The following PDZRN4 variants were observed in gnomAD, a reference collection of about 807,000 sequenced individuals.
PDZRN4 encodes PDZ domain-containing RING finger protein 4.
PDZRN4 carries 70 observed loss-of-function variants against 99.0 expected under a neutral mutation model. The observed-to-expected ratio is 0.71, with a 90% CI of 0.58 to 0.86. The LOEUF is 0.86. Among genes scored for constraint, PDZRN4 ranks in the 40% least tolerant of loss-of-function variants. The probability of loss-of-function intolerance (pLI) is 0.00; values close to 1 mark genes in which losing one functional copy is unlikely to be tolerated. For synonymous variants in PDZRN4, 551 were observed against 501.6 expected (o/e 1.10, Z -1.32); for missense variants, 1,474 against 1,331.2 (o/e 1.11, Z -1.67).
In PDZRN4 at chr12:41,317,048, G is replaced by GTATATATATA. The variant is rs33919115; in HGVS notation, c.843+122877_843+122886dup. On this transcript the variant is annotated intron_variant, in intron 3 of 9. Coordinates refer to ENST00000402685, the MANE Select transcript of PDZRN4 (RefSeq NM_001164595.2). ...TCCAGAGAATCATAACTTACATAAA[G>GTATATATATA]TATATATATATATATATATATATAT... Among the ~76,000 whole-genome samples, 4 of 69,588 alleles carry GTATATATATA rather than the reference G, an allele frequency of 5.7e-5. 1 individual carries two copies. Among genetic ancestry groups the GTATATATATA allele is most frequent in the Non-Finnish European group, 7.0e-5 (2 of 28,580 alleles). 45.7% of individuals were successfully genotyped at this position (69,588 alleles called of 152,430 possible). A position where few individuals can be genotyped will look rare whatever the true frequency, so the allele number is the denominator to read the frequency against.
intron 3 of PDZRN4, among the ~76,000 whole-genome samples, chr12:41,270,023 T>A (rs1321272054): frequency 1.3e-5 from 2 of 152,132 alleles, no homozygotes; most frequent in Non-Finnish European, 2.9e-5. Flanking sequence ...TTGAATAAAT[T>A]CTAATGGGTC....
intron 3 of PDZRN4, among the ~76,000 whole-genome samples, chr12:41,250,919 A>G (rs1436229346): frequency 1.3e-5 from 2 of 152,340 alleles, no homozygotes; most frequent in Non-Finnish European, 2.9e-5. Context: ...TGAGTATCAC[A>G]AAGAACTGCT....
chr12:41,328,461 G>A (rs150138899), intron 3 of PDZRN4, among the ~76,000 whole-genome samples: 2,365 of 152,258 alleles, frequency 0.016, 25 homozygotes, highest in Non-Finnish European at 0.027. Context: ...CATGGTTACA[G>A]TGAGCTATGA....
chr12:41,473,204 A>G (rs373494966), intron 3 of PDZRN4, among the ~76,000 whole-genome samples: 9 of 152,312 alleles, frequency 5.9e-5, no homozygotes, highest in African/African-American at 1.9e-4. Context: ...TGGCAATACC[A>G]TATGATTCAG....
chr12:41,498,319 G>T (rs1938048027), intron 3 of PDZRN4, among the ~76,000 whole-genome samples: 1 of 152,118 alleles, frequency 6.6e-6, no homozygotes, highest in Non-Finnish European at 1.5e-5. Flanking sequence ...AACCCAAATG[G>T]AGGGATTGTC....
At chr12:41,272,217 A>C (rs1199125621) in intron 3 of PDZRN4, among the ~76,000 whole-genome samples, 2 of 152,110 alleles carry the variant, frequency 1.3e-5, no homozygotes. Context: ...AAATTCATAA[A>C]TAAATAACCT....
At chr12:41,388,916 A>T (rs1283664144) in intron 3 of PDZRN4, among the ~76,000 whole-genome samples, 1 of 152,146 alleles carries the variant, frequency 6.6e-6, no homozygotes, top group Non-Finnish European at 1.5e-5. Flanking sequence ...TGTCTTCTTC[A>T]TGTATACTCA....
intron 3 of PDZRN4, among the ~76,000 whole-genome samples, chr12:41,323,287 A>G (rs1221080093): frequency 1.3e-5 from 2 of 152,186 alleles, no homozygotes; most frequent in African/African-American, 2.4e-5. Context: ...CTTCATTTGT[A>G]TTGGAATGAA....
intron 3 of PDZRN4, among the ~76,000 whole-genome samples, chr12:41,491,692 T>C (rs974855261): frequency 1.3e-5 from 2 of 152,146 alleles, no homozygotes; most frequent in African/African-American, 4.8e-5. Flanking sequence ...AAGACTATCT[T>C]CTGCAGTTTT....
chr12:41,289,754 A>G (rs1591999178), intron 3 of PDZRN4, among the ~76,000 whole-genome samples: 1 of 152,180 alleles, frequency 6.6e-6, no homozygotes, highest in Non-Finnish European at 1.5e-5. Flanking sequence ...AGTCCAATAT[A>G]CAGATTAGGA....
intron 3 of PDZRN4, among the ~76,000 whole-genome samples, chr12:41,226,862 C>G (rs1950998523): frequency 6.6e-6 from 1 of 152,118 alleles, no homozygotes; most frequent in Non-Finnish European, 1.5e-5. Context: ...CTCTGAAGAC[C>G]TATGCATAGC....
intron 3 of PDZRN4, among the ~76,000 whole-genome samples, chr12:41,485,311 A>G (rs1021588599): frequency 1.3e-5 from 2 of 152,164 alleles, no homozygotes; most frequent in African/African-American, 4.8e-5. Flanking sequence ...GGTGCAAGGC[A>G]AGTCAGACAC....
At chr12:41,544,867 TTA>T (rs1304252704) in intron 5 of PDZRN4, among the ~76,000 whole-genome samples, 16 of 152,180 alleles carry the variant, frequency 1.1e-4, no homozygotes, top group Non-Finnish European at 1.6e-4. Flanking sequence ...ACCAGGTCCC[TTA>T]GCTAGAATGT....
intron 3 of PDZRN4, among the ~76,000 whole-genome samples, chr12:41,454,788 A>G (rs1210811193): frequency 6.6e-6 from 1 of 152,254 alleles, no homozygotes; most frequent in South Asian, 2.1e-4. Context: ...AATGGAACTA[A>G]GGAGACTACA....
At chr12:41,391,828 T>G (rs1181511056) in intron 3 of PDZRN4, among the ~76,000 whole-genome samples, 1 of 152,158 alleles carries the variant, frequency 6.6e-6, no homozygotes, top group Non-Finnish European at 1.5e-5. Context: ...AGTGCATGAT[T>G]GGTGAGTCAG....
intron 3 of PDZRN4, among the ~76,000 whole-genome samples, chr12:41,231,240 C>T (rs896571183): frequency 2.0e-5 from 3 of 151,980 alleles, no homozygotes; most frequent in Non-Finnish European, 4.4e-5. Context: ...GTTGCCATTC[C>T]GGGTTTTATA....
At chr12:41,450,077 A>G (rs1952762629) in intron 3 of PDZRN4, among the ~76,000 whole-genome samples, 1 of 152,184 alleles carries the variant, frequency 6.6e-6, no homozygotes. Context: ...TTAAAATCAT[A>G]TAAAACAAAG....
chr12:41,350,851 G>GACCC (rs1951885218), intron 3 of PDZRN4, among the ~76,000 whole-genome samples: 1 of 148,172 alleles, frequency 6.7e-6, no homozygotes, highest in African/African-American at 2.5e-5. Flanking sequence ...GAGTTTGTCT[G>GACCC]ACCCAGAAGC....
At chr12:41,361,249 A>G (rs947605832) in intron 3 of PDZRN4, among the ~76,000 whole-genome samples, 1 of 152,104 alleles carries the variant, frequency 6.6e-6, no homozygotes, top group African/African-American at 2.4e-5. Flanking sequence ...ATTAGCTTTC[A>G]GTAACTTCTT....
Sources: gnomAD v4.1 joint callset for allele counts (sites outside exome capture counted in the v4.1 genomes callset) on GRCh38, gnomAD v4.1.1 for gene constraint, MANE v1.5 for transcripts, NCBI Gene and HGNC (gene_info 2026-07-23, HGNC 2026-07-21) for gene names.